The following PARD3B variants were observed in gnomAD, a reference collection of about 807,000 sequenced individuals.
PARD3B encodes par-3 family cell polarity regulator beta.
PARD3B carries 103 observed loss-of-function variants against 130.2 expected under a neutral mutation model. The ratio of observed to expected loss-of-function variants is 0.79; its 90% CI spans 0.67 to 0.93. The LOEUF (loss-of-function observed/expected upper bound fraction) is 0.93. Ranked by LOEUF, PARD3B falls within the 40% of genes least tolerant of loss-of-function variation. The probability of loss-of-function intolerance (pLI) is 0.00; values close to 1 mark genes in which losing one functional copy is unlikely to be tolerated. For missense variants in PARD3B, 1,609 were observed against 1,499.2 expected (o/e 1.07, Z -1.21); for synonymous variants, 583 against 553.2 (o/e 1.05, Z -0.76).
chr2:205,416,333 C>T (rs932866408), intron 19 of PARD3B, among the ~76,000 whole-genome samples: 1 of 152,104 alleles, frequency 6.6e-6, no homozygotes, highest in Non-Finnish European at 1.5e-5. Flanking sequence ...CATCTGATAA[C>T]CATTCCTTAA....
intron 2 of PARD3B, among the ~76,000 whole-genome samples, chr2:204,866,725 G>GTA (rs906506439): frequency 8.6e-5 from 13 of 151,478 alleles, no homozygotes; most frequent in African/African-American, 2.4e-4. Context: ...GTGTGTGTGT[G>GTA]TATATATATA....
At chr2:205,436,361 C>T (rs993717726) in intron 19 of PARD3B, among the ~76,000 whole-genome samples, 20 of 152,070 alleles carry the variant, frequency 1.3e-4, no homozygotes, top group Non-Finnish European at 2.5e-4. Flanking sequence ...CAAGATGGGT[C>T]AATAAGTACC....
In PARD3B at chr2:205,201,651, A is replaced by G. The variant is rs1006830586; in HGVS notation, c.2140+8331A>G. ...TCGGGAGTTCGAGACCAGCCTGACC[A>G]ACATGGAGAAACCCTGTCTCTACTA... is the stretch of plus-strand genomic sequence containing the variant. On this transcript the variant is annotated intron_variant, in intron 15 of 22. Coordinates refer to ENST00000406610, the MANE Select transcript of PARD3B (RefSeq NM_001302769.2). Among the ~76,000 whole-genome samples, 4 of 152,316 alleles carry G rather than the reference A, an allele frequency of 2.6e-5. No individual in the cohort carries two copies. In the East Asian group the frequency reaches 7.7e-4, roughly 29 times the overall value.
intron 3 of PARD3B, among the ~76,000 whole-genome samples, chr2:204,986,712 A>G (rs892754724): frequency 6.6e-6 from 1 of 152,212 alleles, no homozygotes; most frequent in Non-Finnish European, 1.5e-5. Context: ...CTAATGTGAT[A>G]GCAGCTAGAA....
At chr2:205,257,352 C>A (rs2040133120) in intron 16 of PARD3B, among the ~76,000 whole-genome samples, 1 of 151,140 alleles carries the variant, frequency 6.6e-6, no homozygotes, top group African/African-American at 2.4e-5. Flanking sequence ...ACCAAGCAAA[C>A]CAAACCACAA....
intron 13 of PARD3B, among the ~76,000 whole-genome samples, chr2:205,181,509 C>T (rs1465147603): frequency 1.3e-5 from 2 of 152,196 alleles, no homozygotes; most frequent in East Asian, 3.8e-4. Flanking sequence ...GACTGTAGGT[C>T]TCTGTCATCA....
rs1339379319 is a variant in PARD3B at position 205,619,343 on chromosome 2, A to G, written c.*3530A>G. 1 of 152,196 alleles carries G rather than the reference A, an allele frequency of 6.6e-6. No individual in the cohort carries two copies. The highest frequency in any genetic ancestry group is 1.5e-5 in the Non-Finnish European group (1 of 68,048). The allele number at this position is 152,196 out of a possible 1,614,324, so 9.4% of individuals were successfully genotyped here. On this transcript the variant is annotated 3_prime_UTR_variant, in exon 23 of 23. Transcript: ENST00000406610. ...ACATTGTAGCATTTCAGGAGGGTCG[A>G]GAGATCTAAAGAGTTTGGTCTGAAT...
intron 21 of PARD3B, among the ~76,000 whole-genome samples, chr2:205,549,259 A>G (rs1317429311): frequency 1.3e-5 from 2 of 152,170 alleles, no homozygotes; most frequent in African/African-American, 4.8e-5. Context: ...ACATAGTCTC[A>G]CCATATGATC....
At chr2:205,456,202 G>GTATGGATGTACCATTGCTTAATCATGC (rs1559111578) in intron 20 of PARD3B, among the ~76,000 whole-genome samples, 41 of 152,142 alleles carry the variant, frequency 2.7e-4, no homozygotes, top group Admixed American at 2.7e-3. Flanking sequence ...TTAACCCATG[G>GTATGGATGTACCATTGCTTAATCATGC]TATGGATGTA....
At chr2:205,156,701 T>C (rs2034192927) in intron 10 of PARD3B, among the ~76,000 whole-genome samples, 1 of 152,118 alleles carries the variant, frequency 6.6e-6, no homozygotes. Context: ...CCTCACAGGT[T>C]TGTTGTGAAG....
intron 1 of PARD3B, among the ~76,000 whole-genome samples, chr2:204,652,925 G>T (rs1470917506): frequency 6.6e-6 from 1 of 151,026 alleles, no homozygotes; most frequent in Non-Finnish European, 1.5e-5. Flanking sequence ...GATCTCCTGA[G>T]AACTCACTCA....
intron 22 of PARD3B, among the ~76,000 whole-genome samples, chr2:205,581,406 T>A (rs200097379): frequency 2.7e-4 from 10 of 37,154 alleles, no homozygotes; most frequent in South Asian, 1.4e-3. Context: ...AATATATATA[T>A]AAGTATATAT....
chr2:205,346,218 A>AATAAATAC (rs1234908173), intron 18 of PARD3B, among the ~76,000 whole-genome samples: 8 of 147,428 alleles, frequency 5.4e-5, no homozygotes, highest in African/African-American at 1.5e-4. Context: ...TAAATAAATA[A>AATAAATAC]ATTTCATATA....
chr2:205,520,051 G>T (rs920818403), intron 21 of PARD3B, among the ~76,000 whole-genome samples: 13 of 152,102 alleles, frequency 8.5e-5, no homozygotes, highest in Admixed American at 1.3e-4. Flanking sequence ...GGCACTCCTG[G>T]ACTGCCCACT....
Position 205,440,627 on chromosome 2 carries a change from A to C in PARD3B, c.2999A>C (p.Tyr1000Ser), listed in dbSNP as rs774860895. The change falls in exon 20 of 23, where the codon TAT becomes TCT. Residue 1000 changes from tyrosine to serine, a missense_variant. Coordinates refer to ENST00000406610, the MANE Select transcript of PARD3B (RefSeq NM_001302769.2). This position sits in a 1 kb window ranked among gnomAD's most constrained non-coding sequence, Gnocchi z 4.2. ...SPERDHLEGL[Y>S]AKVNKPYHPL... ...GAAAGAGACCACTTAGAGGGTCTCT[A>C]TGCCAAGGTCAACAAGCCATACCAT... 3 of 1,613,918 alleles carry C rather than the reference A, an allele frequency of 1.9e-6. No homozygotes were observed. In the Middle Eastern group the frequency reaches 4.9e-4, roughly 266 times the overall value.
At chr2:204,637,517 A>G (rs762080845) in intron 1 of PARD3B, among the ~76,000 whole-genome samples, 2 of 152,198 alleles carry the variant, frequency 1.3e-5, no homozygotes, top group Non-Finnish European at 2.9e-5. Context: ...AGTGTACTAA[A>G]TTCTCATATT....
chr2:205,181,839 C>T (rs1433410547), intron 13 of PARD3B, among the ~76,000 whole-genome samples: 1 of 152,096 alleles, frequency 6.6e-6, no homozygotes, highest in African/African-American at 2.4e-5. Flanking sequence ...ACGAAATGAC[C>T]ATCAAGAAGA....
chr2:205,380,818 T>C (rs2045361116), intron 18 of PARD3B, among the ~76,000 whole-genome samples: 1 of 97,844 alleles, frequency 1.0e-5, no homozygotes, highest in Non-Finnish European at 1.7e-5. Flanking sequence ...GAATATATTA[T>C]ATATTATATA....
At chr2:204,647,609 A>G (rs2035320837) in intron 1 of PARD3B, among the ~76,000 whole-genome samples, 1 of 151,882 alleles carries the variant, frequency 6.6e-6, no homozygotes, top group Non-Finnish European at 1.5e-5. Flanking sequence ...CTGTGATCAT[A>G]TGCAATATCC....
Sources: allele counts gnomAD v4.1 joint callset (sites outside exome capture counted in the v4.1 genomes callset), GRCh38; gene constraint gnomAD v4.1.1; non-coding constraint Gnocchi (gnomAD v3.1); transcripts MANE v1.5; gene names NCBI Gene and HGNC (gene_info 2026-07-23, HGNC 2026-07-21).